The following SLC17A5 variants were observed in gnomAD, a reference collection of about 807,000 sequenced individuals.
SLC17A5 encodes sialin.
In SLC17A5, 47 loss-of-function variants were observed where a neutral mutation model predicts 59.4. That is an observed-to-expected ratio of 0.79 (90% confidence interval 0.63 to 1.01). SLC17A5 has a LOEUF of 1.01. Among genes scored for constraint, SLC17A5 ranks in the 50% least tolerant of loss-of-function variants. The pLI, the probability that SLC17A5 is intolerant of heterozygous loss-of-function variation, is 0.00. For synonymous variants in SLC17A5, 202 were observed against 210.7 expected (o/e 0.96, Z 0.36); for missense variants, 522 against 595.5 (o/e 0.88, Z 1.28).
At chr6:73,598,843 G>A (rs1335374290) in intron 10 of SLC17A5, among the ~76,000 whole-genome samples, 2 of 151,980 alleles carry the variant, frequency 1.3e-5, no homozygotes, top group Non-Finnish European at 2.9e-5. Context: ...AATTAGCTGG[G>A]CGTGGTGGCA....
chr6:73,600,324 C>T, intron 10 of SLC17A5, 27 bp downstream of exon 10: 1 of 1,545,728 alleles, frequency 6.5e-7, no homozygotes, highest in Non-Finnish European at 8.9e-7. Context: ...AAAACCTTTC[C>T]AGTTTACAAG....
In SLC17A5 at chr6:73,638,487, G is replaced by C; in HGVS notation, c.538C>G (p.Pro180Ala). Residue 180 changes from proline (P) to alanine (A), a missense_variant, in exon 4 of 11, where the codon CCA becomes GCA. Coordinates refer to ENST00000355773, the MANE Select transcript of SLC17A5 (RefSeq NM_012434.5). ...LEGLGEGVTF[P>A]AMHAMWSSWA... ...GAAGACCACATGGCATGCATGGCTG[G>C]AAATGTAACACCCTGAGAGAAGGGA... The C allele has an allele frequency of 6.2e-7, 1 of 1,613,282 alleles. No individual in the cohort carries two copies. Among genetic ancestry groups the C allele is most frequent in the Non-Finnish European group, 8.5e-7 (1 of 1,179,264 alleles).
intron 6 of SLC17A5, among the ~76,000 whole-genome samples, chr6:73,626,432 T>C (rs777126448): frequency 6.6e-6 from 1 of 152,216 alleles, no homozygotes; most frequent in Non-Finnish European, 1.5e-5. Flanking sequence ...CCAATATGAA[T>C]TGTAAGATCA....
At chr6:73,623,541 C>G (rs930481416) in intron 6 of SLC17A5, among the ~76,000 whole-genome samples, 3 of 151,982 alleles carry the variant, frequency 2.0e-5, no homozygotes, top group African/African-American at 7.3e-5. Flanking sequence ...ATCATGTTGG[C>G]CAGGCTGGTT....
Position 73,638,417 on chromosome 6 carries a change from T to C in SLC17A5, c.608A>G (p.Tyr203Cys), listed in dbSNP as rs1297655298. The C allele has an allele frequency of 1.2e-6, 2 of 1,612,740 alleles. No individual in the cohort carries two copies. The highest frequency in any genetic ancestry group is 1.1e-5 in the South Asian group (1 of 91,042). Residue 203 changes from tyrosine (Y) to cysteine (C), a missense_variant, in exon 4 of 11, where the codon TAT becomes TGT. Tyr to Cys is a radical substitution (Grantham distance 194, BLOSUM62 -2). Around this residue, in one of 3 missense-constraint regions of SLC17A5, gnomAD observed 338 missense variants for 363.8 expected, o/e 0.93. Coordinates refer to ENST00000355773, the MANE Select transcript of SLC17A5 (RefSeq NM_012434.5). ...LERSKLLSISYAGAQLGTVIS... is the reference protein window; with the variant it reads ...LERSKLLSISCAGAQLGTVIS... ...TTTGGTAATTGTTATCTCACCTGCA[T>C]ATGAAATGCTAAGAAGTTTGCTTCT...
chr6:73,625,421 A>G (rs961923088), intron 6 of SLC17A5, among the ~76,000 whole-genome samples: 2 of 152,176 alleles, frequency 1.3e-5, no homozygotes, highest in Admixed American at 1.3e-4. Flanking sequence ...TCTTGACCTC[A>G]GGTGATCCGC....
chr6:73,620,085 G>A (rs1230802961), intron 7 of SLC17A5, among the ~76,000 whole-genome samples: 2 of 151,872 alleles, frequency 1.3e-5, no homozygotes, highest in African/African-American at 2.4e-5. Context: ...TACCATGCCT[G>A]GCTAATTTTT....
At chr6:73,641,983 T>C in intron 2 of SLC17A5, 59 bp from the exon 3 acceptor site, 1 of 1,395,616 alleles carries the variant, frequency 7.2e-7, no homozygotes, top group Non-Finnish European at 1.0e-6. Flanking sequence ...GCAGCTCTTT[T>C]CTCTTACTGG....
intron 9 of SLC17A5, among the ~76,000 whole-genome samples, chr6:73,601,498 C>T (rs1398877496): frequency 7.9e-6 from 1 of 125,820 alleles, no homozygotes; most frequent in African/African-American, 3.3e-5. Context: ...CCGCCCCGTC[C>T]GGGAGGGAGG....
Position 73,641,626 on chromosome 6 carries a change from C to T in SLC17A5, c.525+65G>A, listed in dbSNP as rs1345925640. The T allele has an allele frequency of 4.1e-6, 5 of 1,206,302 alleles. No homozygotes were observed. The Admixed American group carries it at 8.7e-5, about 21-fold the overall frequency. The allele number at this position is 1,206,302 out of a possible 1,614,324, so 74.7% of individuals were successfully genotyped here. ...GGTTCATATTCATACCAAAGAATGA[C>T]ATCTTTAAGAAGAAGAGAAGGAGAC... On this transcript the variant is annotated intron_variant, in intron 3 of 10. Transcript: ENST00000355773.
At chr6:73,597,270 G>A (rs12212738) in intron 10 of SLC17A5, among the ~76,000 whole-genome samples, 8,559 of 150,676 alleles carry the variant, frequency 0.057, 429 homozygotes, top group Admixed American at 0.17. Context: ...GATGGAGACT[G>A]TCCTGGCTAA....
At position 73,622,009 on chromosome 6, in the gene SLC17A5, C is replaced by G. The variant is rs750718501; in HGVS notation, c.820-47G>C. 4.5e-6 allele frequency: 7 copies of G among 1,572,022 alleles called. No homozygotes were observed. In the South Asian group the frequency reaches 6.7e-5, roughly 15 times the overall value. ...AGGATAAACTACGGCTATGTTAATG[C>G]TTAGATCTGTACCGTATCAGCTAAA... is the stretch of plus-strand genomic sequence containing the variant. On this transcript the variant is annotated intron_variant, in intron 6 of 10. Coordinates refer to ENST00000355773, the MANE Select transcript of SLC17A5 (RefSeq NM_012434.5).
chr6:73,618,634 T>A (rs673176), intron 7 of SLC17A5: 52,903 of 399,686 alleles, frequency 0.13, 5,109 homozygotes, highest in African/African-American at 0.35. Flanking sequence ...AAACCATCTC[T>A]ATAAACACAT....
intron 9 of SLC17A5, among the ~76,000 whole-genome samples, chr6:73,607,308 T>A (rs1767435479): frequency 6.6e-6 from 1 of 151,704 alleles, no homozygotes; most frequent in African/African-American, 2.4e-5. Flanking sequence ...AGATGGAGTT[T>A]CACTCTTGTC....
intron 8 of SLC17A5, among the ~76,000 whole-genome samples, chr6:73,612,194 C>T (rs72949352): frequency 0.018 from 2,698 of 148,558 alleles, 51 homozygotes; most frequent in Non-Finnish European, 0.029. Flanking sequence ...TTTTTTTTCA[C>T]TCTTTTTGCC....
At chr6:73,642,504 A>G (rs887416552) in intron 2 of SLC17A5, among the ~76,000 whole-genome samples, 4 of 152,254 alleles carry the variant, frequency 2.6e-5, no homozygotes, top group Non-Finnish European at 4.4e-5. Flanking sequence ...GGCTATTAAC[A>G]TGCATAAATG....
At position 73,600,423 on chromosome 6, in the gene SLC17A5, C is replaced by T. The variant is rs1167569087; in HGVS notation, c.1278G>A (p.Leu426=). Residue 426 remains leucine (L), a synonymous_variant, in exon 10 of 11, where the codon CTG becomes CTA. Coordinates refer to ENST00000355773, the MANE Select transcript of SLC17A5 (RefSeq NM_012434.5). The stretch of plus-strand genomic sequence containing the variant: ...TAGTGGCAAATGTATTTGTGATGCC[C>T]AGGAGGATACCAGCATACCTGTAGA... The part of the protein sequence containing the change: ...DIAPSYAGIL[L]GITNTFATIP... 2 of 1,613,754 alleles carry T rather than the reference C, an allele frequency of 1.2e-6. No homozygotes were observed. The highest frequency in any genetic ancestry group is 2.2e-5 in the East Asian group (1 of 44,874).
intron 6 of SLC17A5, among the ~76,000 whole-genome samples, chr6:73,629,766 A>G (rs560895917): frequency 2.6e-5 from 4 of 152,224 alleles, no homozygotes; most frequent in Admixed American, 6.6e-5. Flanking sequence ...CAAGAGAACA[A>G]GAGCGAAACT....
intron 9 of SLC17A5, among the ~76,000 whole-genome samples, chr6:73,600,715 G>A (rs1397980583): frequency 1.3e-5 from 2 of 151,948 alleles, no homozygotes; most frequent in Admixed American, 1.3e-4. Flanking sequence ...TGGCCAGGCT[G>A]CTCTCGAGCT....
Sources: allele counts gnomAD v4.1 joint callset (sites outside exome capture counted in the v4.1 genomes callset), GRCh38; gene constraint gnomAD v4.1.1; regional missense constraint gnomAD v4.1.1; transcripts MANE v1.5; gene names NCBI Gene and HGNC (gene_info 2026-07-23, HGNC 2026-07-21).